The following MAGI1 variants were observed in gnomAD, a reference collection of about 807,000 sequenced individuals.
MAGI1 encodes the protein membrane associated guanylate kinase, WW and PDZ domain containing 1.
MAGI1 carries 58 observed loss-of-function variants against 139.9 expected under a neutral mutation model. The ratio of observed to expected loss-of-function variants is 0.41; its 90% CI spans 0.34 to 0.52. The LOEUF (loss-of-function observed/expected upper bound fraction) is 0.52. Ranked by LOEUF, MAGI1 falls within the 20% of genes least tolerant of loss-of-function variation. The pLI is 0.12. For synonymous variants in MAGI1, 812 were observed against 737.9 expected, an observed-to-expected ratio of 1.10 and a Z score of -1.63; for missense variants, 1,874 against 1,901.6, an observed-to-expected ratio of 0.99 and a Z score of 0.27.
intron 1 of MAGI1, among the ~76,000 whole-genome samples, chr3:65,984,617 CCTCCCCAGCTTAAGT>C (rs1169529781): frequency 6.6e-6 from 1 of 150,778 alleles, no homozygotes; most frequent in African/African-American, 2.4e-5. Context: ...GCAGCTTCAG[CCTCCCCAGCTTAAGT>C]GATCCTCCCA....
chr3:65,707,310 A>T (rs530588009), intron 1 of MAGI1, among the ~76,000 whole-genome samples: 1 of 152,340 alleles, frequency 6.6e-6, no homozygotes, highest in African/African-American at 2.4e-5. Context: ...TCAAGAATCA[A>T]ACCATGCAAT....
intron 5 of MAGI1, among the ~76,000 whole-genome samples, chr3:65,468,759 T>C (rs1950347213): frequency 3.3e-5 from 5 of 151,920 alleles, no homozygotes; most frequent in Admixed American, 3.3e-4. Context: ...TTTTCATTGT[T>C]TTTTCTAATT....
intron 1 of MAGI1, among the ~76,000 whole-genome samples, chr3:66,032,258 C>T (rs530285211): frequency 6.6e-6 from 1 of 151,994 alleles, no homozygotes; most frequent in Non-Finnish European, 1.5e-5. Context: ...GTCACCCAGG[C>T]TGGAGTGCAG....
At position 65,523,648 on chromosome 3, in the gene MAGI1, C is replaced by T. The variant is rs1236966542; in HGVS notation, c.431-30017G>A. Reference sequence around the variant, plus strand: ...AGAGAATTTCAAGGGAAATCTTGACCTCAAACAATTTTGTTTGCCTCATGT... The same window carrying T: ...AGAGAATTTCAAGGGAAATCTTGACTTCAAACAATTTTGTTTGCCTCATGT... On this transcript the variant is annotated intron_variant, in intron 2 of 22. Transcript: ENST00000402939. 3.3e-5 allele frequency among the ~76,000 whole-genome samples: 5 copies of T among 152,054 alleles called. No homozygotes were observed. In the East Asian group the frequency reaches 7.7e-4, roughly 24 times the overall value.
In MAGI1 at chr3:65,965,668, T is replaced by G. The variant is rs563588969; in HGVS notation, c.313+72328A>C. ...AGGACTCTGTTTCACCCTTTTTTTT[T>G]TTCTTTTTGGTTTTGTTTGTTTGTT... On this transcript the variant is annotated intron_variant, in intron 1 of 22. Coordinates refer to ENST00000402939, the MANE Select transcript of MAGI1 (RefSeq NM_001033057.2). Among the ~76,000 whole-genome samples, 170 of 152,196 alleles carry G rather than the reference T, an allele frequency of 1.1e-3. 1 individual carries two copies. Among genetic ancestry groups the G allele is most frequent in the Non-Finnish European group, 1.9e-3 (128 of 67,988 alleles).
chr3:65,646,512 C>T (rs1289930483), intron 1 of MAGI1, among the ~76,000 whole-genome samples: 1 of 152,050 alleles, frequency 6.6e-6, no homozygotes, highest in Non-Finnish European at 1.5e-5. Context: ...TAGAAAATTT[C>T]CAAGATGTAG....
At chr3:65,968,545 T>C (rs1202068382) in intron 1 of MAGI1, among the ~76,000 whole-genome samples, 1 of 151,814 alleles carries the variant, frequency 6.6e-6, no homozygotes, top group African/African-American at 2.4e-5. Flanking sequence ...CATATACACA[T>C]ATCATTTTTA....
intron 1 of MAGI1, among the ~76,000 whole-genome samples, chr3:65,707,388 C>A (rs1264824548): frequency 6.6e-6 from 1 of 152,148 alleles, no homozygotes; most frequent in East Asian, 1.9e-4. Flanking sequence ...AGCCTCGCCT[C>A]CCCGAGTGCC....
At chr3:65,548,966 C>G (rs2079664269) in intron 2 of MAGI1, among the ~76,000 whole-genome samples, 1 of 152,206 alleles carries the variant, frequency 6.6e-6, no homozygotes, top group South Asian at 2.1e-4. Context: ...TCTCAACCCA[C>G]TGGAGCCAAA....
chr3:65,424,948 T>C (rs1387863661), intron 12 of MAGI1, among the ~76,000 whole-genome samples: 1 of 151,848 alleles, frequency 6.6e-6, no homozygotes, highest in Non-Finnish European at 1.5e-5. Context: ...AGATGGCACA[T>C]GCCTGTAGTC....
chr3:65,399,564 C>T (rs951704815), intron 13 of MAGI1, among the ~76,000 whole-genome samples: 26 of 152,222 alleles, frequency 1.7e-4, no homozygotes, highest in African/African-American at 6.3e-4. Flanking sequence ...TTATTATTTT[C>T]TAACCCAGCA....
intron 12 of MAGI1, among the ~76,000 whole-genome samples, chr3:65,426,898 T>C (rs771627921): frequency 9.2e-5 from 14 of 152,146 alleles, no homozygotes; most frequent in Non-Finnish European, 1.8e-4. Context: ...AAATAAACCA[T>C]GTAGATGTTG....
intron 2 of MAGI1, among the ~76,000 whole-genome samples, chr3:65,510,244 C>A (rs1481089654): frequency 6.6e-6 from 1 of 152,152 alleles, no homozygotes; most frequent in African/African-American, 2.4e-5. Flanking sequence ...AAACGCAGAG[C>A]GCCTCTCCTC....
chr3:65,650,152 T>A (rs1215090572), intron 1 of MAGI1, among the ~76,000 whole-genome samples: 1 of 152,188 alleles, frequency 6.6e-6, no homozygotes, highest in African/African-American at 2.4e-5. Context: ...TTGCACCTCA[T>A]GCTCTTGCAT....
rs1950487613 is a variant in MAGI1 at position 65,470,464 on chromosome 3, C to T, written c.778G>A (p.Glu260Lys). The change falls in exon 5 of 23, where the codon GAG (glutamate) becomes AAG (lysine). Residue 260 changes from glutamate (E) to lysine (K), a missense_variant. Physicochemically the swap from Glu to Lys is moderately conservative, Grantham distance 56. Transcript: ENST00000402939. ...AATGCTGTTTCTTGGAGAGTGTGCT[C>T]CTCTTGTTCACCAGAATCGGCTGCT... ...SFTADSGEQE[E>K]HTLQETALPP... The T allele has an allele frequency of 3.7e-6, 6 of 1,612,754 alleles. No homozygotes were observed. Among genetic ancestry groups the T allele is most frequent in the Non-Finnish European group, 5.1e-6 (6 of 1,179,600 alleles).
intron 22 of MAGI1, chr3:65,360,951 C>A: frequency 7.1e-7 from 1 of 1,417,022 alleles, no homozygotes; most frequent in South Asian, 1.6e-5. Context: ...ACAAAACGTT[C>A]TCTCTGATTA....
intron 1 of MAGI1, among the ~76,000 whole-genome samples, chr3:66,027,128 C>G (rs1032971963): frequency 6.6e-6 from 1 of 151,802 alleles, no homozygotes; most frequent in Middle Eastern, 3.4e-3. Context: ...AATAGCCAGG[C>G]GTGGTGGCGG....
intron 12 of MAGI1, among the ~76,000 whole-genome samples, chr3:65,419,245 C>CACACATACACACACACA (rs1553641803): frequency 1.2e-4 from 18 of 149,814 alleles, no homozygotes; most frequent in East Asian, 3.9e-4. Context: ...CACACACACA[C>CACACATACACACACACA]AAGTGTATGA....
At chr3:65,426,492 A>G (rs895557283) in intron 12 of MAGI1, among the ~76,000 whole-genome samples, 2 of 152,220 alleles carry the variant, frequency 1.3e-5, no homozygotes, top group African/African-American at 4.8e-5. Context: ...ACCTCACGAC[A>G]GGAATTCCTG....
Sources: gnomAD v4.1 joint callset for allele counts (sites outside exome capture counted in the v4.1 genomes callset) on GRCh38, gnomAD v4.1.1 for gene constraint, MANE v1.5 for transcripts, NCBI Gene and HGNC (gene_info 2026-07-23, HGNC 2026-07-21) for gene names.